TICRR: variants seen among roughly 807,000 people sequenced by gnomAD.
TICRR encodes TOPBP1 interacting checkpoint and replication regulator.
A neutral mutation model predicts 178.1 loss-of-function variants in TICRR; 132 were observed. The ratio of observed to expected loss-of-function variants is 0.74; its 90% confidence interval spans 0.64 to 0.86. The LOEUF (loss-of-function observed/expected upper bound fraction) is 0.86. Ranked by LOEUF, TICRR falls within the 40% of genes least tolerant of loss-of-function variation. The pLI, the probability that TICRR is intolerant of heterozygous loss-of-function variation, is 0.00. For missense variants in TICRR, 2,587 were observed against 2,334.3 expected (o/e 1.11, Z -2.23); for synonymous variants, 991 against 900.7 (o/e 1.10, Z -1.79).
intron 4 of TICRR, among the ~76,000 whole-genome samples, chr15:89,591,100 ATATT>A (rs761493106): frequency 5.3e-5 from 8 of 152,254 alleles, no homozygotes; most frequent in East Asian, 1.9e-4. Flanking sequence ...TTGTTACTGT[ATATT>A]TATTCTTGTA....
In TICRR at chr15:89,585,828, G is replaced by A. The variant is rs548831287; in HGVS notation, c.1297G>A (p.Val433Ile). Residue 433 changes from valine to isoleucine, a missense_variant, in exon 4 of 22, where the codon GTT becomes ATT. Coordinates refer to ENST00000268138, the MANE Select transcript of TICRR (RefSeq NM_152259.4). The stretch of plus-strand genomic sequence containing the variant: ...CAAGGAGGCTGAATTTCAACGACAT[G>A]TTCTCCAAACAGCTGTGGCTGACAG... ...RTKEAEFQRH[V>I]LQTAVADSPR... is the part of the protein sequence containing the mutation. 5 of 1,614,122 alleles carry A rather than the reference G, an allele frequency of 3.1e-6. No homozygotes were observed. In the Admixed American group the frequency reaches 8.3e-5, roughly 27 times the overall value.
At chr15:89,620,680 C>T (rs1963409047) in intron 18 of TICRR, among the ~76,000 whole-genome samples, 1 of 152,074 alleles carries the variant, frequency 6.6e-6, no homozygotes, top group Non-Finnish European at 1.5e-5. Context: ...TTGTTGCCTT[C>T]TTTCTTTTAT....
At chr15:89,581,974 G>A (rs1962734211) in intron 1 of TICRR, among the ~76,000 whole-genome samples, 1 of 152,086 alleles carries the variant, frequency 6.6e-6, no homozygotes, top group African/African-American at 2.4e-5. Context: ...AGGTGCTCCT[G>A]CCTCACTCCC....
At chr15:89,586,822 G>T (rs1334488584) in intron 4 of TICRR, among the ~76,000 whole-genome samples, 4 of 152,114 alleles carry the variant, frequency 2.6e-5, no homozygotes, top group Non-Finnish European at 5.9e-5. Flanking sequence ...AGGGGGTGAG[G>T]TCAGAGAGCC....
intron 1 of TICRR, among the ~76,000 whole-genome samples, chr15:89,578,007 G>T (rs1962656325): frequency 6.6e-6 from 1 of 152,122 alleles, no homozygotes; most frequent in African/African-American, 2.4e-5. Flanking sequence ...CAGGTGTAAG[G>T]ATTTCAGCTG....
chr15:89,608,561 T>G (rs1963207014), intron 14 of TICRR, among the ~76,000 whole-genome samples: 1 of 152,238 alleles, frequency 6.6e-6, no homozygotes, highest in Non-Finnish European at 1.5e-5. Context: ...TGCAAAAGAA[T>G]GACATTGGAC....
Position 89,621,426 on chromosome 15 carries a change from G to A in TICRR, c.3188G>A (p.Arg1063Gln), listed in dbSNP as rs200662212. The change falls in exon 19 of 22, where the codon CGG (arginine) becomes CAG (glutamine). Residue 1063 changes from arginine (R) to glutamine (Q), a missense_variant. Coordinates refer to ENST00000268138, the MANE Select transcript of TICRR (RefSeq NM_152259.4). ...QRENSPVQSI[R>Q]SPKSLLFGAM... is the part of the protein sequence containing the mutation. ...GAAAATTCTCCAGTCCAAAGTATTC[G>A]GTCTCCCAAGAGTCTTCTTTTTGGG... The A allele has an allele frequency of 1.6e-4, 256 of 1,610,566 alleles. 5 individuals carry two copies. The South Asian group carries it at 2.7e-3, about 17-fold the overall frequency.
intron 11 of TICRR, 74 bp from the exon 12 acceptor site, chr15:89,601,660 CTTT>C: frequency 6.2e-7 from 1 of 1,610,832 alleles, no homozygotes; most frequent in Middle Eastern, 1.7e-4. Context: ...GTAAGGACTA[CTTT>C]TTAGGCTGGG....
rs1963485396 is a variant in TICRR at position 89,624,737 on chromosome 15, G to C, written c.4427G>C (p.Gly1476Ala). 6.2e-7 allele frequency: 1 copy of C among 1,614,082 alleles called. No homozygotes were observed. Among genetic ancestry groups the C allele is most frequent in the Non-Finnish European group, 8.5e-7 (1 of 1,180,038 alleles). ...LLSEAEHHGI[G>A]DLKSNVLSVE... The stretch of plus-strand genomic sequence containing the variant: ...AGTGAAGCCGAACACCATGGCATTG[G>C]TGACTTGAAAAGTAACGTCTTATCA... The change falls in exon 20 of 22, where the codon GGT becomes GCT. Residue 1476 changes from glycine (G) to alanine (A), a missense_variant. Physicochemically the swap from Gly to Ala is moderately conservative, Grantham distance 60. Transcript: ENST00000268138.
intron 1 of TICRR, among the ~76,000 whole-genome samples, chr15:89,576,898 C>A: frequency 7.4e-6 from 1 of 135,380 alleles, no homozygotes; most frequent in Non-Finnish European, 1.6e-5. Context: ...TATTTATATA[C>A]ATATATATAT....
In TICRR at chr15:89,623,680, A is replaced by G. The variant is rs1338736374; in HGVS notation, c.3370A>G (p.Ile1124Val). 6.8e-6 allele frequency: 11 copies of G among 1,613,056 alleles called. No individual in the cohort carries two copies. The highest frequency in any genetic ancestry group is 5.0e-5 in the Admixed American group (3 of 59,790). The change falls in exon 20 of 22, where the codon ATC becomes GTC. Residue 1124 changes from isoleucine (I) to valine (V), a missense_variant. Ile to Val is a conservative substitution (Grantham distance 29). Coordinates refer to ENST00000268138, the MANE Select transcript of TICRR (RefSeq NM_152259.4). ...LSFSKTTPRRISHTPQTPLYT... is the reference protein window; with the variant it reads ...LSFSKTTPRRVSHTPQTPLYT... ...CTTTTCTAAAACTACACCAAGAAGGATCTCTCATACACCACAAACTCCGTT... is the reference window on the plus strand; with the variant it reads ...CTTTTCTAAAACTACACCAAGAAGGGTCTCTCATACACCACAAACTCCGTT...
At chr15:89,617,901 A>G (rs1482189536) in intron 16 of TICRR, 1 of 426,146 alleles carries the variant, frequency 2.3e-6, no homozygotes, top group Non-Finnish European at 4.3e-6. Flanking sequence ...CATATTGGCC[A>G]GACTGGTCTC....
intron 13 of TICRR, among the ~76,000 whole-genome samples, chr15:89,603,622 A>G (rs985577184): frequency 6.6e-6 from 1 of 152,196 alleles, no homozygotes; most frequent in Non-Finnish European, 1.5e-5. Flanking sequence ...AATGAATAAC[A>G]AGTTTTTTGA....
At position 89,624,519 on chromosome 15, in the gene TICRR, C is replaced by T. The variant is rs201568452; in HGVS notation, c.4209C>T (p.Ser1403=). The part of the protein sequence containing the change: ...RSIVECQPDA[S]ATPGVGTADS... ...TCGTGGAGTGTCAGCCTGATGCCTCCGCTACTCCTGGGGTTGGCACAGCTG... is the reference window on the plus strand; with the variant it reads ...TCGTGGAGTGTCAGCCTGATGCCTCTGCTACTCCTGGGGTTGGCACAGCTG... Residue 1403 remains serine, a synonymous_variant, in exon 20 of 22, where the codon TCC becomes TCT. Coordinates refer to ENST00000268138, the MANE Select transcript of TICRR (RefSeq NM_152259.4). 212 of 1,614,020 alleles carry T rather than the reference C, an allele frequency of 1.3e-4. 1 individual carries two copies. The Admixed American group carries it at 2.8e-3, about 21-fold the overall frequency.
chr15:89,591,895 A>T, intron 4 of TICRR, 152 bp from the exon 5 acceptor site: 1 of 540,550 alleles, frequency 1.8e-6, no homozygotes, highest in Non-Finnish European at 3.2e-6. Context: ...GGCCTGTAGC[A>T]GTTTGTGGTG....
At chr15:89,600,719 T>G in intron 9 of TICRR, 34 bp downstream of exon 9, 2 of 1,059,644 alleles carry the variant, frequency 1.9e-6, no homozygotes, top group Admixed American at 2.2e-5. Context: ...AAATCATCAC[T>G]CTAAAAGCTG....
chr15:89,624,660 T>C lies in TICRR; in HGVS notation c.4350T>C (p.His1450=). Residue 1450 remains histidine (H), a synonymous_variant, in exon 20 of 22, where the codon CAT becomes CAC. Coordinates refer to ENST00000268138, the MANE Select transcript of TICRR (RefSeq NM_152259.4). Reference sequence around the variant, plus strand: ...GCCCTGGTCTCAGGAGTGATTGGCATGCATCCTCTCCTCTGCTCATTACAA... The same window carrying C: ...GCCCTGGTCTCAGGAGTGATTGGCACGCATCCTCTCCTCTGCTCATTACAA... ...YPGPGLRSDW[H]ASSPLLITSD... 1 of 1,614,094 alleles carries C rather than the reference T, an allele frequency of 6.2e-7. No individual in the cohort carries two copies. Among genetic ancestry groups the C allele is most frequent in the Non-Finnish European group, 8.5e-7 (1 of 1,180,030 alleles).
At chr15:89,623,041 T>C (rs1248096536) in intron 19 of TICRR, among the ~76,000 whole-genome samples, 1 of 152,260 alleles carries the variant, frequency 6.6e-6, no homozygotes, top group Non-Finnish European at 1.5e-5. Context: ...AAGATAAGCA[T>C]TGATTTCCTT....
Position 89,601,496 on chromosome 15 carries a change from A to T in TICRR, c.2255A>T (p.Asp752Val). ...DMEQVVEEVT[D>V]LLRMVCLTED... The stretch of plus-strand genomic sequence containing the variant: ...TTCTAAAATCTCCTTCAGGTGACAG[A>T]TTTGCTGCGCATGGTGTGTTTAACT... The change falls in exon 11 of 22, where the codon GAT (aspartate) becomes GTT (valine). Residue 752 changes from aspartate (D) to valine (V), a missense_variant. Coordinates refer to ENST00000268138, the MANE Select transcript of TICRR (RefSeq NM_152259.4). 1 of 1,614,204 alleles carries T rather than the reference A, an allele frequency of 6.2e-7. No homozygotes were observed. The highest frequency in any genetic ancestry group is 1.6e-4 in the Middle Eastern group (1 of 6,062).
Sources: allele counts gnomAD v4.1 joint callset (sites outside exome capture counted in the v4.1 genomes callset), GRCh38; gene constraint gnomAD v4.1.1; transcripts MANE v1.5; gene names NCBI Gene and HGNC (gene_info 2026-07-23, HGNC 2026-07-21).